RAD23B: variants seen among roughly 807,000 people sequenced by gnomAD.
The protein encoded by RAD23B is RAD23 nucleotide excision repair protein B, also known as lysine-specific demethylase RAD23B.
A neutral mutation model predicts 49.1 loss-of-function variants in RAD23B; 5 were observed. That is an observed-to-expected ratio of 0.10 (90% CI 0.05 to 0.21). The LOEUF (loss-of-function observed/expected upper bound fraction) is 0.21. Ranked by LOEUF, RAD23B falls within the 10% of genes least tolerant of loss-of-function variation. The pLI, the probability that RAD23B is intolerant of heterozygous loss-of-function variation, is 1.00. For missense variants in RAD23B, 356 were observed against 486.7 expected (o/e 0.73, Z 2.53); for synonymous variants, 184 against 165.4 (o/e 1.11, Z -0.86).
intron 6 of RAD23B, among the ~76,000 whole-genome samples, chr9:107,321,026 T>C (rs939704713): frequency 6.6e-6 from 1 of 152,188 alleles, no homozygotes; most frequent in Non-Finnish European, 1.5e-5. Flanking sequence ...ATAAAGACTT[T>C]TTAAAAATTT....
chr9:107,289,148 C>G (rs1264485857), intron 1 of RAD23B, among the ~76,000 whole-genome samples: 1 of 143,622 alleles, frequency 7.0e-6, no homozygotes, highest in East Asian at 2.2e-4. Context: ...CTCTCCTTCC[C>G]TCCTTTCCTC....
chr9:107,290,043 G>A, intron 1 of RAD23B, among the ~76,000 whole-genome samples: 1 of 152,168 alleles, frequency 6.6e-6, no homozygotes, highest in East Asian at 1.9e-4. Context: ...GCACCTGACA[G>A]TCTTACAGTT....
At chr9:107,315,688 A>G (rs1056534175) in intron 5 of RAD23B, among the ~76,000 whole-genome samples, 1 of 151,178 alleles carries the variant, frequency 6.6e-6, no homozygotes, top group Non-Finnish European at 1.5e-5. Context: ...TAATTTTTGT[A>G]TTTTTAGTAG....
intron 1 of RAD23B, among the ~76,000 whole-genome samples, chr9:107,293,699 G>T (rs1036528122): frequency 3.9e-5 from 6 of 152,144 alleles, no homozygotes; most frequent in African/African-American, 1.4e-4. Context: ...AGATTGACAT[G>T]GCAGCTCATT....
At position 107,283,673 on chromosome 9, in the gene RAD23B, T is replaced by C; in HGVS notation, c.44T>C (p.Ile15Thr). 1 of 1,481,296 alleles carries C rather than the reference T, an allele frequency of 6.8e-7. No homozygotes were observed. Among genetic ancestry groups the C allele is most frequent in the Non-Finnish European group, 9.0e-7 (1 of 1,113,502 alleles). The allele number at this position is 1,481,296 out of a possible 1,614,324, so 91.8% of individuals were successfully genotyped here. ...ACCCTCCAGCAGCAGACCTTCAAGA[T>C]AGACATTGACCCCGAGGAGACGGTA... ...LKTLQQQTFKIDIDPEETVKA... is the reference protein window; with the variant it reads ...LKTLQQQTFKTDIDPEETVKA... Residue 15 changes from isoleucine (I) to threonine (T), a missense_variant, in exon 1 of 10, where the codon ATA becomes ACA. By Grantham distance (89) the Ile-to-Thr change is moderately conservative. Transcript: ENST00000358015.
At chr9:107,329,045 G>A (rs1448078650) in intron 9 of RAD23B, among the ~76,000 whole-genome samples, 1 of 152,110 alleles carries the variant, frequency 6.6e-6, no homozygotes, top group Non-Finnish European at 1.5e-5. Context: ...TGAGAGTGAT[G>A]TTTGATCCAA....
chr9:107,325,074 G>A, intron 9 of RAD23B, 70 bp downstream of exon 9: 1 of 1,458,716 alleles, frequency 6.9e-7, no homozygotes, highest in East Asian at 2.5e-5. Flanking sequence ...CAGCACTTTG[G>A]GAGGCCAAGG....
intron 6 of RAD23B, among the ~76,000 whole-genome samples, chr9:107,319,339 C>T (rs1461078648): frequency 1.3e-5 from 2 of 151,824 alleles, no homozygotes; most frequent in Non-Finnish European, 2.9e-5. Context: ...ACCATGTTAG[C>T]CAGGATGGTC....
intron 4 of RAD23B, among the ~76,000 whole-genome samples, chr9:107,307,398 ATGCT>A (rs1826801336): frequency 6.6e-6 from 1 of 152,210 alleles, no homozygotes; most frequent in African/African-American, 2.4e-5. Context: ...ACCAAAGCAA[ATGCT>A]TAAGTCAGAG....
chr9:107,315,816 C>G (rs1033327513), intron 5 of RAD23B, among the ~76,000 whole-genome samples: 2 of 151,916 alleles, frequency 1.3e-5, no homozygotes, highest in African/African-American at 4.8e-5. Context: ...GCTGGCCTCT[C>G]TAGTTCTTTT....
chr9:107,310,584 C>T (rs11573672), intron 4 of RAD23B, among the ~76,000 whole-genome samples: 3,093 of 152,202 alleles, frequency 0.02, 92 homozygotes, highest in African/African-American at 0.068. Context: ...TAGTGGTTGT[C>T]TCTGGGTTAG....
At chr9:107,296,600 TC>T (rs1274142611) in intron 1 of RAD23B, among the ~76,000 whole-genome samples, 1 of 152,170 alleles carries the variant, frequency 6.6e-6, no homozygotes, top group East Asian at 1.9e-4. Context: ...ACAGTCTCAT[TC>T]TGTCACCCAG....
Position 107,331,379 on chromosome 9 carries a change from T to A in RAD23B, c.*1723T>A, listed in dbSNP as rs1309429137. 3 of 299,736 alleles carry A rather than the reference T, an allele frequency of 1.0e-5. No homozygotes were observed. The highest frequency in any genetic ancestry group is 1.2e-5 in the Non-Finnish European group (2 of 162,762). 18.6% of individuals were successfully genotyped at this position (299,736 alleles called of 1,614,324 possible). A position where few individuals can be genotyped will look rare whatever the true frequency, so the allele number is the denominator to read the frequency against. On this transcript the variant is annotated 3_prime_UTR_variant, in exon 10 of 10. Coordinates refer to ENST00000358015, the MANE Select transcript of RAD23B (RefSeq NM_002874.5). ...ATAGCCAGGCATGGTGGCGCACGCC[T>A]GTGGTCCCAGCTACTTGGGAGGCTG...
intron 1 of RAD23B, among the ~76,000 whole-genome samples, chr9:107,287,294 G>A (rs1463638042): frequency 6.6e-6 from 1 of 152,160 alleles, no homozygotes; most frequent in African/African-American, 2.4e-5. Flanking sequence ...GAAAAAGTAT[G>A]TGATATACAA....
chr9:107,298,810 T>G (rs1031027370), intron 1 of RAD23B, among the ~76,000 whole-genome samples: 2 of 151,986 alleles, frequency 1.3e-5, no homozygotes, highest in African/African-American at 4.8e-5. Context: ...GACACTGTTT[T>G]ACTTTTTTTT....
chr9:107,317,305 G>A (rs1827017826), intron 5 of RAD23B, among the ~76,000 whole-genome samples: 1 of 152,110 alleles, frequency 6.6e-6, no homozygotes, highest in Admixed American at 6.5e-5. Flanking sequence ...GGTAAGTGAG[G>A]TGTGGAAGGA....
intron 4 of RAD23B, among the ~76,000 whole-genome samples, chr9:107,308,817 A>G (rs1826833760): frequency 6.6e-6 from 1 of 152,194 alleles, no homozygotes; most frequent in Non-Finnish European, 1.5e-5. Context: ...CTTTGCTGGA[A>G]AATATCTAGT....
intron 1 of RAD23B, among the ~76,000 whole-genome samples, chr9:107,291,077 T>C (rs1252050734): frequency 6.6e-6 from 1 of 152,220 alleles, no homozygotes; most frequent in East Asian, 1.9e-4. Flanking sequence ...TATAAACTTA[T>C]TTCGAGGAGG....
At chr9:107,298,911 G>A (rs1245434027) in intron 1 of RAD23B, among the ~76,000 whole-genome samples, 2 of 151,806 alleles carry the variant, frequency 1.3e-5, no homozygotes, top group Non-Finnish European at 2.9e-5. Flanking sequence ...TGAGATTTTT[G>A]TGATGGATTT....
Sources: gnomAD v4.1 joint callset for allele counts (sites outside exome capture counted in the v4.1 genomes callset) on GRCh38, gnomAD v4.1.1 for gene constraint, MANE v1.5 for transcripts, NCBI Gene and HGNC (gene_info 2026-07-23, HGNC 2026-07-21) for gene names.